Variants in RASGRP3 observed in about 807,000 individuals in gnomAD.
RASGRP3 encodes the protein ras guanyl-releasing protein 3.
A neutral mutation model predicts 82.7 loss-of-function variants in RASGRP3; 54 were observed. The ratio of observed to expected loss-of-function variants is 0.65; its 90% CI spans 0.52 to 0.82. The LOEUF (loss-of-function observed/expected upper bound fraction) is 0.82. Ranked by LOEUF, RASGRP3 falls within the 40% of genes least tolerant of loss-of-function variation. RASGRP3 has a pLI of 0.00. For missense variants in RASGRP3, 861 were observed against 828.9 expected, an observed-to-expected ratio of 1.04 and a Z score of -0.48; for synonymous variants, 309 against 300.5, an observed-to-expected ratio of 1.03 and a Z score of -0.29.
Position 33,563,855 on chromosome 2 carries a change from A to C in RASGRP3, c.*1118A>C, listed in dbSNP as rs1050528642. ...TCAATTTTTTAAATAGCTCCCATTT[A>C]CCCAAAATAACTAGTTATGGGTCTA... On this transcript the variant is annotated 3_prime_UTR_variant, in exon 18 of 18. Coordinates refer to ENST00000403687, the MANE Select transcript of RASGRP3 (RefSeq NM_001139488.2). 4 of 152,124 alleles carry C rather than the reference A, an allele frequency of 2.6e-5. No homozygotes were observed. The highest frequency in any genetic ancestry group is 7.2e-5 in the African/African-American group (3 of 41,410). 9.4% of individuals were successfully genotyped at this position (152,124 alleles called of 1,614,324 possible).
intron 1 of RASGRP3, among the ~76,000 whole-genome samples, chr2:33,504,123 A>G (rs1006947005): frequency 6.6e-6 from 1 of 152,160 alleles, no homozygotes; most frequent in Non-Finnish European, 1.5e-5. Flanking sequence ...TGCAAATTGC[A>G]TATGTCTATC....
intron 10 of RASGRP3, among the ~76,000 whole-genome samples, chr2:33,529,474 C>T (rs1259615364): frequency 6.8e-4 from 5 of 7,318 alleles, no homozygotes; most frequent in East Asian, 3.2e-3. Flanking sequence ...GGCGACAGAG[C>T]GAGACTCCAT....
chr2:33,479,816 T>C (rs112286234), intron 1 of RASGRP3, among the ~76,000 whole-genome samples: 3 of 152,260 alleles, frequency 2.0e-5, no homozygotes, highest in African/African-American at 7.2e-5. Context: ...CATTTGGCTG[T>C]CCACATTCCT....
At chr2:33,518,691 C>T (rs1399983643) in intron 4 of RASGRP3, among the ~76,000 whole-genome samples, 3 of 152,024 alleles carry the variant, frequency 2.0e-5, no homozygotes, top group East Asian at 1.9e-4. Context: ...CTTTATTCTA[C>T]AAACTTACTC....
At chr2:33,502,681 T>A (rs1348354159) in intron 1 of RASGRP3, among the ~76,000 whole-genome samples, 6 of 151,746 alleles carry the variant, frequency 4.0e-5, no homozygotes, top group Non-Finnish European at 7.4e-5. Flanking sequence ...CCCAGCTAAT[T>A]TTTTTGTATT....
chr2:33,441,660 C>A (rs1424991900), intron 1 of RASGRP3, among the ~76,000 whole-genome samples: 1 of 152,220 alleles, frequency 6.6e-6, no homozygotes, highest in Non-Finnish European at 1.5e-5. Flanking sequence ...AAATACTTCA[C>A]CTGTTTACCA....
chr2:33,515,735 T>G (rs1671400630), intron 3 of RASGRP3, among the ~76,000 whole-genome samples: 1 of 152,240 alleles, frequency 6.6e-6, no homozygotes, highest in African/African-American at 2.4e-5. Flanking sequence ...ACTTTTCAGC[T>G]GTATGCTCCT....
chr2:33,555,905 C>T (rs1009593006), intron 15 of RASGRP3, among the ~76,000 whole-genome samples: 1 of 152,186 alleles, frequency 6.6e-6, no homozygotes, highest in African/African-American at 2.4e-5. Flanking sequence ...AACACCTACA[C>T]ACTATTTCTC....
chr2:33,537,123 G>T (rs1427848420), intron 11 of RASGRP3, among the ~76,000 whole-genome samples: 1 of 151,948 alleles, frequency 6.6e-6, no homozygotes, highest in African/African-American at 2.4e-5. Context: ...AGCAGGATGG[G>T]GAGCTGGAAA....
intron 2 of RASGRP3, among the ~76,000 whole-genome samples, chr2:33,467,986 TTC>T (rs1037113720): frequency 4.0e-5 from 1 of 24,778 alleles, no homozygotes; most frequent in Non-Finnish European, 8.2e-5. Flanking sequence ...GGCTTTTTCT[TTC>T]TTTCTTTCTT....
chr2:33,517,232 A>G (rs1671555526), intron 4 of RASGRP3, among the ~76,000 whole-genome samples: 1 of 152,256 alleles, frequency 6.6e-6, no homozygotes, highest in Non-Finnish European at 1.5e-5. Flanking sequence ...GAAGGCTTTT[A>G]GCAGTCTACC....
At chr2:33,448,286 C>A (rs1665606822) in intron 2 of RASGRP3, among the ~76,000 whole-genome samples, 1 of 152,050 alleles carries the variant, frequency 6.6e-6, no homozygotes, top group Non-Finnish European at 1.5e-5. Flanking sequence ...CTCTCAACAA[C>A]CTAATTATAA....
chr2:33,531,083 G>C lies in RASGRP3; in HGVS notation c.1084-3240G>C, dbSNP rs147364323. 3.6e-3 allele frequency: 546 copies of C among 152,306 alleles called. 1 individual carries two copies. The highest frequency in any genetic ancestry group is 0.012 in the African/African-American group (518 of 41,582). The allele number at this position is 152,306 out of a possible 1,614,324, so 9.4% of individuals were successfully genotyped here. On this transcript the variant is annotated intron_variant, in intron 10 of 17. Transcript: ENST00000403687. ...TTTTAAAAAAGAAGAAGAAGAATAA[G>C]AAGAGTTTCAAAAATGGTGAGTAGA... is the stretch of plus-strand genomic sequence containing the variant.
intron 1 of RASGRP3, among the ~76,000 whole-genome samples, chr2:33,503,500 A>G (rs1229088448): frequency 3.3e-5 from 5 of 152,222 alleles, no homozygotes; most frequent in Non-Finnish European, 5.9e-5. Context: ...CTGAAACAAA[A>G]GGGAATGACA....
At chr2:33,441,571 A>G (rs1665227103) in intron 1 of RASGRP3, among the ~76,000 whole-genome samples, 1 of 152,252 alleles carries the variant, frequency 6.6e-6, no homozygotes, top group Non-Finnish European at 1.5e-5. Context: ...GGAATTACAT[A>G]CACCCTTACA....
At chr2:33,521,595 A>C (rs1672041863) in intron 6 of RASGRP3, among the ~76,000 whole-genome samples, 1 of 152,240 alleles carries the variant, frequency 6.6e-6, no homozygotes, top group East Asian at 1.9e-4. Context: ...AAGTATGAGA[A>C]CCACAGCTTC....
intron 1 of RASGRP3, among the ~76,000 whole-genome samples, chr2:33,507,130 T>A (rs1294936327): frequency 6.6e-6 from 1 of 152,192 alleles, no homozygotes; most frequent in African/African-American, 2.4e-5. Context: ...GCACAGTGGC[T>A]CACACATGTA....
intron 1 of RASGRP3, among the ~76,000 whole-genome samples, chr2:33,438,971 G>T (rs1044647247): frequency 3.3e-5 from 5 of 151,648 alleles, no homozygotes; most frequent in African/African-American, 1.2e-4. Context: ...GCATGCCAAG[G>T]TCTTCTTCTT....
intron 2 of RASGRP3, among the ~76,000 whole-genome samples, chr2:33,456,377 T>C (rs1666036892): frequency 6.6e-6 from 1 of 152,250 alleles, no homozygotes; most frequent in Non-Finnish European, 1.5e-5. Context: ...TGACTTCTTT[T>C]GGATATTTCA....
Sources: allele counts gnomAD v4.1 joint callset (sites outside exome capture counted in the v4.1 genomes callset), GRCh38; gene constraint gnomAD v4.1.1; transcripts MANE v1.5; gene names NCBI Gene and HGNC (gene_info 2026-07-23, HGNC 2026-07-21).